The following GDA variants were observed in gnomAD, a reference collection of about 807,000 sequenced individuals.
GDA encodes guanine deaminase, also known as cytoplasmic PSD-95 interactor.
GDA carries 18 observed loss-of-function variants against 59.6 expected under a neutral mutation model. That is an observed-to-expected ratio of 0.30 (90% CI 0.21 to 0.45). GDA has a LOEUF of 0.45. Among genes scored for constraint, GDA ranks in the 20% least tolerant of loss-of-function variants. The pLI is 1.00. For missense variants in GDA, 427 were observed against 552.3 expected, an observed-to-expected ratio of 0.77 and a Z score of 2.27; for synonymous variants, 201 against 201.1, an observed-to-expected ratio of 1.00 and a Z score of 0.00.
chr9:72,212,499 G>T (rs1835510128), intron 4 of GDA, among the ~76,000 whole-genome samples: 2 of 151,628 alleles, frequency 1.3e-5, no homozygotes, highest in Admixed American at 1.3e-4. Flanking sequence ...AAAAAGAATA[G>T]TAGCAGTATG....
At chr9:72,217,222 A>G (rs1836245072) in intron 5 of GDA, among the ~76,000 whole-genome samples, 1 of 152,196 alleles carries the variant, frequency 6.6e-6, no homozygotes, top group African/African-American at 2.4e-5. Flanking sequence ...CATCCACTTT[A>G]GATAAGAGTT....
At position 72,250,712 on chromosome 9, in the gene GDA, T is replaced by C. The variant is rs776544713; in HGVS notation, c.*2370T>C. The C allele has an allele frequency of 3.7e-6, 6 of 1,608,626 alleles. No individual in the cohort carries two copies. The African/African-American group carries it at 6.9e-5, about 19-fold the overall frequency. ...GAGGCACTTTTCCAAGCCAATCTTA[T>C]TTGTCACTTTTTGTTTTAATATCTT... is the stretch of plus-strand genomic sequence containing the variant. On this transcript the variant is annotated 3_prime_UTR_variant, in exon 14 of 14. Coordinates refer to ENST00000358399, the MANE Select transcript of GDA (RefSeq NM_004293.5).
chr9:72,231,271 TAA>T (rs34627726), intron 10 of GDA, 90 bp downstream of exon 10: 13,043 of 616,292 alleles, frequency 0.021, no homozygotes, highest in South Asian at 0.034. Context: ...CTGTTCTGTT[TAA>T]AAAAAAAAAA....
chr9:72,227,709 C>A (rs978113038), intron 8 of GDA, among the ~76,000 whole-genome samples: 2 of 152,184 alleles, frequency 1.3e-5, no homozygotes, highest in Non-Finnish European at 2.9e-5. Context: ...CAAAAAGAAT[C>A]TAAGTAAACT....
chr9:72,246,814 T>C (rs1587806673), intron 12 of GDA, among the ~76,000 whole-genome samples: 1 of 152,152 alleles, frequency 6.6e-6, no homozygotes, highest in East Asian at 1.9e-4. Flanking sequence ...TTGCTTATTC[T>C]TTTACTCTCT....
In GDA at chr9:72,210,801, G is replaced by A. The variant is rs772217332; in HGVS notation, c.472+27G>A. The A allele has an allele frequency of 8.0e-6, 11 of 1,381,048 alleles. No homozygotes were observed. In the Admixed American group the frequency reaches 1.8e-4, roughly 23 times the overall value. 85.5% of individuals were successfully genotyped at this position (1,381,048 alleles called of 1,614,324 possible). A position where few individuals can be genotyped will look rare whatever the true frequency, so the allele number is the denominator to read the frequency against. ...TGAGCAAATGAAGCATGATTTATGG[G>A]CACCTCAAGCAAAGACAGCCAGACC... On this transcript the variant is annotated intron_variant, in intron 4 of 13. Transcript: ENST00000358399.
chr9:72,245,074 G>C, intron 11 of GDA, 74 bp from the exon 12 acceptor site: 1 of 1,436,570 alleles, frequency 7.0e-7, no homozygotes, highest in Non-Finnish European at 9.5e-7. Context: ...GGCAAAATCT[G>C]TCCTTACAAA....
chr9:72,211,524 G>A (rs186565028), intron 4 of GDA, among the ~76,000 whole-genome samples: 322 of 152,326 alleles, frequency 2.1e-3, no homozygotes, highest in Admixed American at 3.6e-3. Context: ...AAATACTGTT[G>A]GCTGATACAC....
chr9:72,130,612 T>G (rs1310638957), intron 1 of GDA, among the ~76,000 whole-genome samples: 2 of 152,184 alleles, frequency 1.3e-5, no homozygotes, highest in African/African-American at 4.8e-5. Context: ...ACCACTGGTG[T>G]ATTGAAATAG....
intron 11 of GDA, among the ~76,000 whole-genome samples, chr9:72,242,482 A>G (rs1839724964): frequency 6.6e-6 from 1 of 152,218 alleles, no homozygotes; most frequent in South Asian, 2.1e-4. Flanking sequence ...GTGAGAAATT[A>G]AAATGTAGAT....
At chr9:72,234,650 A>G (rs1005909585) in intron 10 of GDA, among the ~76,000 whole-genome samples, 1 of 152,220 alleles carries the variant, frequency 6.6e-6, no homozygotes, top group African/African-American at 2.4e-5. Context: ...AGAGCTTTGA[A>G]GGGTAAATCT....
intron 1 of GDA, among the ~76,000 whole-genome samples, chr9:72,128,789 T>C (rs1825932947): frequency 6.6e-6 from 1 of 152,162 alleles, no homozygotes; most frequent in Non-Finnish European, 1.5e-5. Context: ...TAGCTTATTT[T>C]TAGAATGCAA....
chr9:72,150,401 C>T (rs1346817202), intron 1 of GDA, among the ~76,000 whole-genome samples: 2 of 152,060 alleles, frequency 1.3e-5, no homozygotes, highest in South Asian at 4.2e-4. Flanking sequence ...TTTTAAGGTT[C>T]AAAATGTCTT....
intron 1 of GDA, among the ~76,000 whole-genome samples, chr9:72,156,082 T>C (rs552922094): frequency 1.3e-3 from 198 of 152,222 alleles, no homozygotes; most frequent in African/African-American, 4.5e-3. Context: ...TTGACTGGAT[T>C]TGATGATAGC....
intron 1 of GDA, among the ~76,000 whole-genome samples, chr9:72,120,747 T>C (rs1825631195): frequency 2.0e-5 from 3 of 152,224 alleles, no homozygotes; most frequent in Admixed American, 2.0e-4. Context: ...GTGGTAGATA[T>C]TTAAATTTTT....
At chr9:72,192,379 C>A (rs1223919669) in intron 1 of GDA, among the ~76,000 whole-genome samples, 3 of 150,284 alleles carry the variant, frequency 2.0e-5, no homozygotes, top group African/African-American at 4.9e-5. Context: ...TTACAGGTGC[C>A]CACCACCACG....
chr9:72,206,606 C>T (rs1032434209), intron 3 of GDA, among the ~76,000 whole-genome samples: 1 of 151,952 alleles, frequency 6.6e-6, no homozygotes, highest in African/African-American at 2.4e-5. Flanking sequence ...GACCCCGCCT[C>T]TACTAAAAAT....
Position 72,251,143 on chromosome 9 carries a change from A to T in GDA, c.*2801A>T. The stretch of plus-strand genomic sequence containing the variant: ...CTGTGAGCATTGAGCCCCCATTAAA[A>T]CTCTTTTTTACTTCAGAAAGAATTT... On this transcript the variant is annotated 3_prime_UTR_variant, in exon 14 of 14. Transcript: ENST00000358399. 4.5e-6 allele frequency: 1 copy of T among 221,428 alleles called. No homozygotes were observed. The highest frequency in any genetic ancestry group is 1.0e-4 in the South Asian group (1 of 9,754). 13.7% of individuals were successfully genotyped at this position (221,428 alleles called of 1,614,324 possible).
chr9:72,181,963 T>G (rs527880040), intron 1 of GDA, among the ~76,000 whole-genome samples: 1 of 152,176 alleles, frequency 6.6e-6, no homozygotes, highest in Non-Finnish European at 1.5e-5. Context: ...AGTGCTAATA[T>G]TTTACAAAAT....
Sources: gnomAD v4.1 joint callset for allele counts (sites outside exome capture counted in the v4.1 genomes callset) on GRCh38, gnomAD v4.1.1 for gene constraint, MANE v1.5 for transcripts, NCBI Gene and HGNC (gene_info 2026-07-23, HGNC 2026-07-21) for gene names.